Variants in USP34 observed in about 807,000 individuals in gnomAD.
USP34 encodes the protein ubiquitin carboxyl-terminal hydrolase 34.
USP34 carries 70 observed loss-of-function variants against 460.3 expected under a neutral mutation model. The ratio of observed to expected loss-of-function variants is 0.15; its 90% CI spans 0.13 to 0.19. The LOEUF (loss-of-function observed/expected upper bound fraction) is 0.19. Ranked by LOEUF, USP34 falls within the 10% of genes least tolerant of loss-of-function variation. USP34 has a pLI of 1.00. For synonymous variants in USP34, 1,647 were observed against 1,405.3 expected (o/e 1.17, Z -3.85); for missense variants, 3,985 against 4,236.2 (o/e 0.94, Z 1.65).
intron 67 of USP34, among the ~76,000 whole-genome samples, chr2:61,217,193 AG>A (rs1357851886): frequency 6.6e-6 from 1 of 152,234 alleles, no homozygotes; most frequent in Non-Finnish European, 1.5e-5. Flanking sequence ...AAGAACAGAC[AG>A]GAAGGTTAAT....
At chr2:61,308,468 A>G (rs551596918) in intron 27 of USP34, among the ~76,000 whole-genome samples, 1 of 152,282 alleles carries the variant, frequency 6.6e-6, no homozygotes, top group Admixed American at 6.5e-5. Flanking sequence ...GAAACATAGA[A>G]AAGATAAATT....
At chr2:61,216,412 A>G (rs993255851) in intron 67 of USP34, among the ~76,000 whole-genome samples, 3 of 150,732 alleles carry the variant, frequency 2.0e-5, no homozygotes, top group Admixed American at 1.3e-4. Context: ...CATCCTGGCT[A>G]ATATGGTGAA....
intron 1 of USP34, among the ~76,000 whole-genome samples, chr2:61,464,449 C>G (rs182477074): frequency 1.3e-5 from 2 of 152,350 alleles, no homozygotes; most frequent in Admixed American, 1.3e-4. Context: ...CTTATCCTTT[C>G]TGAAGTTCAA....
At chr2:61,368,313 T>C (rs1261960584) in intron 10 of USP34, among the ~76,000 whole-genome samples, 1 of 152,032 alleles carries the variant, frequency 6.6e-6, no homozygotes, top group Admixed American at 6.6e-5. Flanking sequence ...GTGCCTGTAA[T>C]CCCAGCTAGT....
chr2:61,388,431 G>A (rs1220081595), intron 5 of USP34, among the ~76,000 whole-genome samples: 1 of 148,868 alleles, frequency 6.7e-6, no homozygotes, highest in Non-Finnish European at 1.5e-5. Context: ...GCATACTCGA[G>A]GGGATGTGGG....
intron 3 of USP34, among the ~76,000 whole-genome samples, chr2:61,398,047 G>A (rs1210855529): frequency 6.6e-6 from 1 of 151,950 alleles, no homozygotes; most frequent in East Asian, 1.9e-4. Context: ...CTCTAGCTTG[G>A]GCAACAGAGC....
At chr2:61,207,361 A>G (rs1261813649) in intron 70 of USP34, 1 of 153,770 alleles carries the variant, frequency 6.5e-6, no homozygotes, top group East Asian at 1.9e-4. Context: ...GGCTTGTTAA[A>G]TCTTTTAATT....
chr2:61,188,536 C>A lies in USP34; in HGVS notation c.10207G>T (p.Asp3403Tyr), dbSNP rs370259236. Residue 3403 changes from aspartate to tyrosine, a missense_variant, in exon 80 of 80, where the codon GAT becomes TAT. Physicochemically the swap from Asp to Tyr is radical, Grantham distance 160. Transcript: ENST00000398571. ...SSIIDPGTEQ[D>Y]LPSPENSSVK... Reference sequence around the variant, plus strand: ...GAACTATTTTCAGGGGAAGGAAGATCTTGCTCAGTTCCTGGATCAATAATT... The same window carrying A: ...GAACTATTTTCAGGGGAAGGAAGATATTGCTCAGTTCCTGGATCAATAATT... The A allele has an allele frequency of 6.2e-7, 1 of 1,614,194 alleles. No homozygotes were observed. The highest frequency in any genetic ancestry group is 8.5e-7 in the Non-Finnish European group (1 of 1,180,042).
chr2:61,300,852 T>A, intron 29 of USP34, 99 bp downstream of exon 29: 2 of 761,336 alleles, frequency 2.6e-6, no homozygotes, highest in Non-Finnish European at 3.9e-6. Flanking sequence ...AAAATTATTA[T>A]ATACTTTATA....
intron 21 of USP34, 60 bp from the exon 22 acceptor site, chr2:61,319,387 C>A: frequency 7.7e-7 from 1 of 1,298,166 alleles, no homozygotes; most frequent in South Asian, 1.9e-5. Flanking sequence ...TTAAACTTCT[C>A]TTAGGCATGT....
At chr2:61,296,413 G>A (rs906895943) in intron 30 of USP34, among the ~76,000 whole-genome samples, 1 of 152,126 alleles carries the variant, frequency 6.6e-6, no homozygotes. Flanking sequence ...AATTTGGTCA[G>A]TTAATTTGTA....
chr2:61,244,790 CT>C (rs1248441755), intron 51 of USP34, among the ~76,000 whole-genome samples: 1 of 151,944 alleles, frequency 6.6e-6, no homozygotes, highest in Non-Finnish European at 1.5e-5. Flanking sequence ...TTTTTAATTT[CT>C]TTTTTTCTTA....
intron 10 of USP34, among the ~76,000 whole-genome samples, chr2:61,364,443 A>C (rs1692368298): frequency 1.3e-5 from 2 of 152,214 alleles, no homozygotes; most frequent in Admixed American, 1.3e-4. Context: ...TATAGGTACA[A>C]AGTTGTTACT....
At chr2:61,324,083 C>T (rs768233633) in intron 21 of USP34, among the ~76,000 whole-genome samples, 2 of 152,138 alleles carry the variant, frequency 1.3e-5, no homozygotes, top group Non-Finnish European at 2.9e-5. Context: ...ATATATTAAC[C>T]ACAGTTAAAG....
chr2:61,303,838 GC>G lies in USP34; in HGVS notation c.3818-2385del, dbSNP rs376358762. 5.0e-3 allele frequency among the ~76,000 whole-genome samples: 751 copies of G among 151,658 alleles called. 5 individuals are homozygous for G. The highest frequency in any genetic ancestry group is 0.017 in the African/African-American group (708 of 41,358). Reference sequence around the variant, plus strand: ...GTGTTATCTCCTGACCTCGTGATCTGCCCGCCTCGGCCTCCCAAAGTGCTGG... The same window carrying G: ...GTGTTATCTCCTGACCTCGTGATCTGCCGCCTCGGCCTCCCAAAGTGCTGG... On this transcript the variant is annotated intron_variant, in intron 27 of 79. Coordinates refer to ENST00000398571, the MANE Select transcript of USP34 (RefSeq NM_014709.4).
chr2:61,311,887 C>G lies in USP34; in HGVS notation c.3566G>C (p.Trp1189Ser). The G allele has an allele frequency of 6.2e-7, 1 of 1,613,698 alleles. No homozygotes were observed. The highest frequency in any genetic ancestry group is 8.5e-7 in the Non-Finnish European group (1 of 1,179,882). ...RRRFAYHLRQ[W>S]QIEGTGISSH... ...ACTAATACCAGTGCCTTCAATTTGC[C>G]ACTGTCTCAGATGATATGCAAACCT... The change falls in exon 26 of 80, where the codon TGG becomes TCG. Residue 1189 changes from tryptophan (W) to serine (S), a missense_variant. Trp to Ser is a radical substitution (Grantham distance 177). Coordinates refer to ENST00000398571, the MANE Select transcript of USP34 (RefSeq NM_014709.4).
chr2:61,296,996 C>T lies in USP34; in HGVS notation c.4129-71G>A, dbSNP rs554715215. 175 of 1,489,654 alleles carry T rather than the reference C, an allele frequency of 1.2e-4. No homozygotes were observed. The African/African-American group carries it at 2.3e-3, about 19-fold the overall frequency. 92.3% of individuals were successfully genotyped at this position (1,489,654 alleles called of 1,614,324 possible). A position where few individuals can be genotyped will look rare whatever the true frequency, so the allele number is the denominator to read the frequency against. On this transcript the variant is annotated intron_variant, in intron 29 of 79. Transcript: ENST00000398571. ...AAAAAGTTTTAAGTTCAAATTTTTG[C>T]ATAAAGTAATGATCAAATTTGCTAA...
At chr2:61,293,639 A>T in intron 32 of USP34, 89 bp from the exon 33 acceptor site, 2 of 881,766 alleles carry the variant, frequency 2.3e-6, no homozygotes, top group Non-Finnish European at 3.6e-6. Context: ...TATGTAAAAT[A>T]TTACGTATCT....
At position 61,343,922 on chromosome 2, in the gene USP34, C is replaced by G. The variant is rs369177392; in HGVS notation, c.2393G>C (p.Gly798Ala). 3 of 1,613,984 alleles carry G rather than the reference C, an allele frequency of 1.9e-6. No homozygotes were observed. Among genetic ancestry groups the G allele is most frequent in the Non-Finnish European group, 2.5e-6 (3 of 1,179,922 alleles). ...NMADFDGEES[G>A]CEEELVQINS... ...AATCTGAACTAGCTCCTCTTCACAT[C>G]CAGATTCTTCACCATCAAAATCAGC... is the stretch of plus-strand genomic sequence containing the variant. Residue 798 changes from glycine (G) to alanine (A), a missense_variant, in exon 16 of 80, where the codon GGA becomes GCA. Around this residue, in one of 14 missense-constraint regions of USP34, gnomAD observed 716 missense variants for 626.2 expected, o/e 1.14. Coordinates refer to ENST00000398571, the MANE Select transcript of USP34 (RefSeq NM_014709.4).
Sources: gnomAD v4.1 joint callset for allele counts (sites outside exome capture counted in the v4.1 genomes callset) on GRCh38, gnomAD v4.1.1 for gene constraint, gnomAD v4.1.1 regional missense constraint, MANE v1.5 for transcripts, NCBI Gene and HGNC (gene_info 2026-07-23, HGNC 2026-07-21) for gene names.